CSRNP3: variants seen among roughly 807,000 people sequenced by gnomAD.
The protein encoded by CSRNP3 is cysteine/serine-rich nuclear protein 3.
A neutral mutation model predicts 48.0 loss-of-function variants in CSRNP3; 12 were observed. The ratio of observed to expected loss-of-function variants is 0.25; its 90% confidence interval spans 0.16 to 0.41. The LOEUF (loss-of-function observed/expected upper bound fraction) is 0.41, where lower values mean the gene tolerates loss of function less well. CSRNP3 is among the 10% of genes least tolerant of loss of function. The pLI, the probability that CSRNP3 is intolerant of heterozygous loss-of-function variation, is 1.00. For missense variants in CSRNP3, 580 were observed against 724.4 expected, an observed-to-expected ratio of 0.80 and a Z score of 2.29; for synonymous variants, 263 against 269.7, an observed-to-expected ratio of 0.98 and a Z score of 0.24.
chr2:165,618,188 G>A (rs759000107), intron 4 of CSRNP3, among the ~76,000 whole-genome samples: 11 of 152,184 alleles, frequency 7.2e-5, no homozygotes, highest in Non-Finnish European at 1.5e-4. Flanking sequence ...TATCTATGAT[G>A]GGAATATGGT....
chr2:165,678,819 T>A lies in CSRNP3; in HGVS notation c.824T>A (p.Leu275His). The A allele has an allele frequency of 1.2e-6, 2 of 1,614,074 alleles. No homozygotes were observed. The highest frequency in any genetic ancestry group is 1.7e-6 in the Non-Finnish European group (2 of 1,179,988). Reference protein sequence around the residue: ...RTHFLHTIMKLELEKNREQQI... With the variant: ...RTHFLHTIMKHELEKNREQQI... ...CACTTTTTGCACACAATAATGAAAC[T>A]TGAACTGGAGAAAAACCGAGAGCAG... is the stretch of plus-strand genomic sequence containing the variant. Residue 275 changes from leucine to histidine, a missense_variant, in exon 7 of 7, where the codon CTT (leucine) becomes CAT (histidine). Leu to His is a moderately conservative substitution (Grantham distance 99). Coordinates refer to ENST00000651982, the MANE Select transcript of CSRNP3 (RefSeq NM_001172173.2).
chr2:165,597,393 CTATT>C (rs1685830175), intron 4 of CSRNP3, among the ~76,000 whole-genome samples: 1 of 152,042 alleles, frequency 6.6e-6, no homozygotes, highest in Non-Finnish European at 1.5e-5. Flanking sequence ...AAGGGAAAGA[CTATT>C]TAAGAAATGG....
intron 5 of CSRNP3, among the ~76,000 whole-genome samples, chr2:165,671,216 GACTA>G (rs1231567975): frequency 3.5e-4 from 53 of 152,142 alleles, no homozygotes; most frequent in Non-Finnish European, 4.4e-4. Flanking sequence ...TGTTGCATTT[GACTA>G]ACTAAAGTCT....
At chr2:165,495,927 A>G (rs1480628794) in intron 2 of CSRNP3, among the ~76,000 whole-genome samples, 2 of 152,004 alleles carry the variant, frequency 1.3e-5, no homozygotes, top group African/African-American at 2.4e-5. Flanking sequence ...GCAAGCCGAT[A>G]TGGCACATGT....
At chr2:165,575,287 TCAAA>T (rs529610540) in intron 3 of CSRNP3, among the ~76,000 whole-genome samples, 93 of 152,330 alleles carry the variant, frequency 6.1e-4, no homozygotes, top group African/African-American at 2.2e-3. Flanking sequence ...AAACATATTT[TCAAA>T]CAAACTTAAT....
chr2:165,477,483 A>AATATATATATATATAT (rs200408228), intron 1 of CSRNP3, among the ~76,000 whole-genome samples: 5 of 129,674 alleles, frequency 3.9e-5, no homozygotes, highest in African/African-American at 5.7e-5. Context: ...ATATATATGA[A>AATATATATATATATAT]ATATATATAT....
chr2:165,606,173 C>T lies in CSRNP3; in HGVS notation c.148+10960C>T, dbSNP rs151008724. Among the ~76,000 whole-genome samples, 455 of 150,050 alleles carry T rather than the reference C, an allele frequency of 3.0e-3. 4 individuals carry two copies. The highest frequency in any genetic ancestry group is 0.011 in the African/African-American group (434 of 40,912). On this transcript the variant is annotated intron_variant, in intron 4 of 6. Coordinates refer to ENST00000651982, the MANE Select transcript of CSRNP3 (RefSeq NM_001172173.2). ...AATATATGTATGTCAGAGTAACATA[C>T]TGTAGCATGAACTGTGAAAATTATT...
At chr2:165,508,603 A>C (rs1191609563) in intron 2 of CSRNP3, among the ~76,000 whole-genome samples, 2 of 152,150 alleles carry the variant, frequency 1.3e-5, no homozygotes, top group African/African-American at 2.4e-5. Flanking sequence ...ATATTGAATA[A>C]TCATAAACAT....
In CSRNP3 at chr2:165,542,261, A is replaced by G. The variant is rs570702278; in HGVS notation, c.-24+24300A>G. On this transcript the variant is annotated intron_variant, in intron 3 of 6. Transcript: ENST00000651982. ...GGAGAAAGTCAAAAGCTTGAGAACC[A>G]GGCCTTTGAGAATTAGATGAAGCTT... Among the ~76,000 whole-genome samples the G allele has an allele frequency of 5.9e-5, 9 of 152,270 alleles. No homozygotes were observed. In the South Asian group the frequency reaches 1.7e-3, roughly 28 times the overall value.
At chr2:165,540,151 C>A (rs1684934881) in intron 3 of CSRNP3, among the ~76,000 whole-genome samples, 1 of 152,102 alleles carries the variant, frequency 6.6e-6, no homozygotes, top group Non-Finnish European at 1.5e-5. Flanking sequence ...TGGCAAGCAA[C>A]CAGTTCTCCC....
intron 1 of CSRNP3, among the ~76,000 whole-genome samples, chr2:165,492,981 G>A (rs1278818378): frequency 6.7e-6 from 1 of 148,626 alleles, no homozygotes; most frequent in Non-Finnish European, 1.5e-5. Flanking sequence ...CGTAGAGGCC[G>A]ACAGAATATG....
At chr2:165,500,897 A>G (rs1409083383) in intron 2 of CSRNP3, among the ~76,000 whole-genome samples, 1 of 152,164 alleles carries the variant, frequency 6.6e-6, no homozygotes, top group Admixed American at 6.6e-5. Flanking sequence ...AATCATGGAA[A>G]GTAATATTAT....
At position 165,679,531 on chromosome 2, in the gene CSRNP3, T is replaced by A; in HGVS notation, c.1536T>A (p.Gly512=). 6.2e-7 allele frequency: 1 copy of A among 1,613,828 alleles called. No individual in the cohort carries two copies. ...VCCSSSENDS[G]VPCNSLYPEH... ...GCTCCTCTTCCGAAAATGATAGCGG[T>A]GTGCCCTGCAATAGTTTATATCCTG... Residue 512 remains glycine, a synonymous_variant, in exon 7 of 7, where the codon GGT becomes GGA. Transcript: ENST00000651982.
chr2:165,575,384 A>G (rs573455331), intron 3 of CSRNP3, among the ~76,000 whole-genome samples: 5 of 150,780 alleles, frequency 3.3e-5, no homozygotes, highest in African/African-American at 1.2e-4. Context: ...TTGATTAAAA[A>G]ATGTTATTTT....
Position 165,685,315 on chromosome 2 carries a change from AT to A in CSRNP3, c.*5564del, listed in dbSNP as rs932407214. On this transcript the variant is annotated 3_prime_UTR_variant, in exon 7 of 7. Coordinates refer to ENST00000651982, the MANE Select transcript of CSRNP3 (RefSeq NM_001172173.2). ...CTAAACAATGCAGTTGTTTTGTTTT[AT>A]TCTTTTTTTCCAGAAATTCAAGCTG... is the stretch of plus-strand genomic sequence containing the variant. 2.0e-5 allele frequency: 3 copies of A among 151,850 alleles called. No homozygotes were observed. The highest frequency in any genetic ancestry group is 4.8e-5 in the African/African-American group (2 of 41,342). 9.4% of individuals were successfully genotyped at this position (151,850 alleles called of 1,614,324 possible).
intron 3 of CSRNP3, among the ~76,000 whole-genome samples, chr2:165,566,078 T>C (rs544267094): frequency 6.6e-6 from 1 of 151,962 alleles, no homozygotes; most frequent in African/African-American, 2.4e-5. Context: ...ATTCATTCTT[T>C]TAAGAGTCTC....
chr2:165,585,225 T>C (rs1010647929), intron 3 of CSRNP3, among the ~76,000 whole-genome samples: 8 of 152,140 alleles, frequency 5.3e-5, no homozygotes, highest in Admixed American at 4.6e-4. Context: ...TTTTTTTTTT[T>C]TTAACTGAGT....
At chr2:165,606,090 C>G (rs1451233237) in intron 4 of CSRNP3, among the ~76,000 whole-genome samples, 1 of 150,540 alleles carries the variant, frequency 6.6e-6, no homozygotes, top group African/African-American at 2.4e-5. Flanking sequence ...AATAAATTCC[C>G]AATGAACTAA....
At chr2:165,525,147 T>C (rs1217912951) in intron 3 of CSRNP3, among the ~76,000 whole-genome samples, 9 of 152,230 alleles carry the variant, frequency 5.9e-5, no homozygotes, top group Non-Finnish European at 1.5e-5. Flanking sequence ...CTGGTTTTAA[T>C]TTGCATATTC....
Sources: gnomAD v4.1 joint callset for allele counts (sites outside exome capture counted in the v4.1 genomes callset) on GRCh38, gnomAD v4.1.1 for gene constraint, MANE v1.5 for transcripts, NCBI Gene and HGNC (gene_info 2026-07-23, HGNC 2026-07-21) for gene names.